Variants in C5orf15 observed in about 807,000 individuals in gnomAD.
C5orf15 encodes chromosome 5 open reading frame 15, also known as keratinocyte-associated transmembrane protein 2.
C5orf15 carries 10 observed loss-of-function variants against 17.8 expected under a neutral mutation model. That is an observed-to-expected ratio of 0.56 (90% CI 0.35 to 0.95). The LOEUF (loss-of-function observed/expected upper bound fraction) is 0.95, where lower values mean the gene tolerates loss of function less well. Ranked by LOEUF, C5orf15 falls within the 40% of genes least tolerant of loss-of-function variation. The probability of loss-of-function intolerance (pLI) is 0.02; values close to 1 mark genes in which losing one functional copy is unlikely to be tolerated. For missense variants in C5orf15, 319 were observed against 331.7 expected, an observed-to-expected ratio of 0.96 and a Z score of 0.30; for synonymous variants, 124 against 131.0, an observed-to-expected ratio of 0.95 and a Z score of 0.36.
chr5:133,966,337 C>T (rs1752191909), intron 1 of C5orf15, among the ~76,000 whole-genome samples: 1 of 152,016 alleles, frequency 6.6e-6, no homozygotes, highest in South Asian at 2.1e-4. Flanking sequence ...ACCCCGAGAA[C>T]TCATTCACAC....
chr5:133,966,680 A>C (rs538934543), intron 1 of C5orf15, among the ~76,000 whole-genome samples: 3 of 152,234 alleles, frequency 2.0e-5, no homozygotes, highest in Admixed American at 6.5e-5. Flanking sequence ...AACACATTCT[A>C]GACTAATTTT....
chr5:133,965,826 G>A (rs1290343082), intron 1 of C5orf15, among the ~76,000 whole-genome samples: 2 of 152,214 alleles, frequency 1.3e-5, no homozygotes, highest in African/African-American at 4.8e-5. Flanking sequence ...TCAGGGGGCT[G>A]AAGTGGGAGG....
Position 133,963,264 on chromosome 5 carries a change from C to G in C5orf15, c.140-3244G>C, listed in dbSNP as rs138217292. On this transcript the variant is annotated intron_variant, in intron 1 of 2. Transcript: ENST00000231512. ...TCTTCTCTGTTATCCTCATTTTCAA[C>G]TGATGACATCACTTCCTAACTTTTC... Among the ~76,000 whole-genome samples the G allele has an allele frequency of 3.0e-3, 457 of 152,346 alleles. 1 individual carries two copies. Among genetic ancestry groups the G allele is most frequent in the African/African-American group, 0.01 (436 of 41,570 alleles).
chr5:133,963,679 A>G (rs1261993718), intron 1 of C5orf15, among the ~76,000 whole-genome samples: 1 of 152,000 alleles, frequency 6.6e-6, no homozygotes, highest in Admixed American at 6.6e-5. Context: ...GTAAATGTAA[A>G]TGACCTAAAT....
In C5orf15 at chr5:133,959,796, G is replaced by A; in HGVS notation, c.364C>T (p.Pro122Ser). 6.2e-7 allele frequency: 1 copy of A among 1,614,130 alleles called. No individual in the cohort carries two copies. The highest frequency in any genetic ancestry group is 8.5e-7 in the Non-Finnish European group (1 of 1,180,022). The change falls in exon 2 of 3, where the codon CCT (proline) becomes TCT (serine). Residue 122 changes from proline to serine, a missense_variant. Pro to Ser is a moderately conservative substitution (Grantham distance 74). Transcript: ENST00000231512. ...AGAAGATCCTCCTCCTCTATACTAG[G>A]ATCTTCATTGTTATCAGCTTCCTCT... ...SQEEADNNEDPSIEEEDLLML... is the reference protein window; with the variant it reads ...SQEEADNNEDSSIEEEDLLML...
At chr5:133,958,187 C>T (rs1301104727) in intron 2 of C5orf15, among the ~76,000 whole-genome samples, 1 of 151,644 alleles carries the variant, frequency 6.6e-6, no homozygotes, top group East Asian at 1.9e-4. Flanking sequence ...AGTTCACCAG[C>T]GTGGACAACA....
intron 1 of C5orf15, 116 bp downstream of exon 1, chr5:133,968,330 G>A: frequency 7.1e-7 from 1 of 1,406,618 alleles, no homozygotes; most frequent in East Asian, 2.5e-5. Context: ...GACCCAACCA[G>A]ACACCGCCGT....
chr5:133,957,033 G>T, intron 2 of C5orf15, 43 bp from the exon 3 acceptor site: 2 of 1,469,426 alleles, frequency 1.4e-6, no homozygotes, highest in South Asian at 2.4e-5. Flanking sequence ...AGAAAACAGA[G>T]AATATGGTAA....
chr5:133,956,692 G>T lies in C5orf15; in HGVS notation c.*167C>A. ...GATTAAACTCAGCTCTAAAAGTACAGATAAAAAATTATATACTCGTTTGTG... is the reference window on the plus strand; with the variant it reads ...GATTAAACTCAGCTCTAAAAGTACATATAAAAAATTATATACTCGTTTGTG... On this transcript the variant is annotated 3_prime_UTR_variant, in exon 3 of 3. Coordinates refer to ENST00000231512, the MANE Select transcript of C5orf15 (RefSeq NM_020199.3). 1.8e-6 allele frequency: 1 copy of T among 560,266 alleles called. No individual in the cohort carries two copies. The highest frequency in any genetic ancestry group is 2.8e-6 in the Non-Finnish European group (1 of 357,866). 34.7% of individuals were successfully genotyped at this position (560,266 alleles called of 1,614,324 possible).
At chr5:133,968,158 G>A (rs902554849) in intron 1 of C5orf15, among the ~76,000 whole-genome samples, 4 of 150,828 alleles carry the variant, frequency 2.7e-5, no homozygotes, top group African/African-American at 7.3e-5. Flanking sequence ...ATCTCTAGGC[G>A]CTAACACCAC....
At chr5:133,960,224 T>C (rs545211637) in intron 1 of C5orf15, among the ~76,000 whole-genome samples, 2 of 152,226 alleles carry the variant, frequency 1.3e-5, no homozygotes, top group South Asian at 2.1e-4. Flanking sequence ...ATTGCTTTGC[T>C]AGATACTAAC....
intron 1 of C5orf15, among the ~76,000 whole-genome samples, chr5:133,966,051 C>T (rs1436580348): frequency 6.6e-6 from 1 of 151,980 alleles, no homozygotes; most frequent in Non-Finnish European, 1.5e-5. Context: ...GGTGAAACCC[C>T]GTCTCTACTA....
At chr5:133,961,463 G>A (rs1001715972) in intron 1 of C5orf15, among the ~76,000 whole-genome samples, 22 of 150,286 alleles carry the variant, frequency 1.5e-4, no homozygotes, top group Admixed American at 2.7e-4. Context: ...GGACAATGGC[G>A]TGAACCTGGG....
intron 1 of C5orf15, 43 bp downstream of exon 1, chr5:133,968,403 G>A (rs1446686047): frequency 1.3e-6 from 2 of 1,587,504 alleles, no homozygotes. Context: ...CTGCGCCCGA[G>A]CCCTCCTAGC....
chr5:133,964,211 C>T lies in C5orf15; in HGVS notation c.140-4191G>A, dbSNP rs564084574. Among the ~76,000 whole-genome samples the T allele has an allele frequency of 3.3e-5, 5 of 151,772 alleles. No individual in the cohort carries two copies. The South Asian group carries it at 6.2e-4, about 19-fold the overall frequency. ...CAGCCTGGAGTGCAAGACTTACTCT[C>T]GAAAAAATAAAAGTTAAAATTTAAA... is the stretch of plus-strand genomic sequence containing the variant. On this transcript the variant is annotated intron_variant, in intron 1 of 2. Transcript: ENST00000231512.
In C5orf15 at chr5:133,959,810, T is replaced by A; in HGVS notation, c.350A>T (p.Asp117Val). The A allele has an allele frequency of 1.2e-6, 2 of 1,614,168 alleles. No homozygotes were observed. The highest frequency in any genetic ancestry group is 2.2e-5 in the South Asian group (2 of 91,074). The change falls in exon 2 of 3, where the codon GAT becomes GTT. Residue 117 changes from aspartate to valine, a missense_variant. By Grantham distance (152) the Asp-to-Val change is radical. Around this residue, in one of 3 missense-constraint regions of C5orf15, gnomAD observed 175 missense variants for 192.4 expected, o/e 0.91. Coordinates refer to ENST00000231512, the MANE Select transcript of C5orf15 (RefSeq NM_020199.3). The part of the protein sequence containing the change: ...SPTPLSQEEA[D>V]NNEDPSIEEE... ...CTCTATACTAGGATCTTCATTGTTATCAGCTTCCTCTTGAGACAGAGGAGT... is the reference window on the plus strand; with the variant it reads ...CTCTATACTAGGATCTTCATTGTTAACAGCTTCCTCTTGAGACAGAGGAGT...
intron 1 of C5orf15, among the ~76,000 whole-genome samples, chr5:133,966,588 TA>T: frequency 6.6e-6 from 1 of 152,366 alleles, no homozygotes; most frequent in East Asian, 1.9e-4. Context: ...TGACAGTTTT[TA>T]AAACCTAATA....
intron 2 of C5orf15, among the ~76,000 whole-genome samples, chr5:133,958,828 C>T (rs147488700): frequency 0.016 from 2,387 of 151,692 alleles, 26 homozygotes; most frequent in Middle Eastern, 0.031. Context: ...AATTAAAAGA[C>T]AAATATTAAA....
At chr5:133,957,066 A>G in intron 2 of C5orf15, 76 bp from the exon 3 acceptor site, 1 of 1,235,114 alleles carries the variant, frequency 8.1e-7, no homozygotes, top group Non-Finnish European at 1.2e-6. Context: ...CAAGTAAAAT[A>G]TCTCTCTTCT....
Sources: gnomAD v4.1 joint callset for allele counts (sites outside exome capture counted in the v4.1 genomes callset) on GRCh38, gnomAD v4.1.1 for gene constraint, gnomAD v4.1.1 regional missense constraint, MANE v1.5 for transcripts, NCBI Gene and HGNC (gene_info 2026-07-23, HGNC 2026-07-21) for gene names.